Variants in EDARADD observed in about 807,000 individuals in gnomAD.
EDARADD encodes the protein EDAR associated via death domain.
EDARADD carries 20 observed loss-of-function variants against 25.6 expected under a neutral mutation model. The observed-to-expected ratio is 0.78, with a 90% confidence interval of 0.55 to 1.14. The LOEUF is 1.14. Among genes scored for constraint, EDARADD ranks in the 50% most tolerant of loss-of-function variants. The pLI, the probability that EDARADD is intolerant of heterozygous loss-of-function variation, is 0.00. For synonymous variants in EDARADD, 86 were observed against 94.4 expected (o/e 0.91, Z 0.52); for missense variants, 225 against 270.1 (o/e 0.83, Z 1.17).
intron 4 of EDARADD, among the ~76,000 whole-genome samples, chr1:236,465,911 A>G (rs555502017): frequency 2.6e-5 from 4 of 152,316 alleles, no homozygotes; most frequent in Admixed American, 2.6e-4. Flanking sequence ...ATCTTTATCA[A>G]CTTTCACAAG....
chr1:236,384,939 C>T (rs1452733508), intron 3 of EDARADD, among the ~76,000 whole-genome samples: 1 of 151,988 alleles, frequency 6.6e-6, no homozygotes, highest in East Asian at 1.9e-4. Context: ...TTTGGATACT[C>T]ACCTTTGTTA....
chr1:236,367,832 G>A (rs933691142), intron 3 of EDARADD, among the ~76,000 whole-genome samples: 1 of 152,158 alleles, frequency 6.6e-6, no homozygotes, highest in Admixed American at 6.6e-5. Flanking sequence ...CTCTTGATTG[G>A]GCATTGTGGC....
intron 1 of EDARADD, among the ~76,000 whole-genome samples, chr1:236,402,963 C>CT (rs375335663): frequency 0.019 from 2,879 of 149,208 alleles, 90 homozygotes; most frequent in African/African-American, 0.065. Flanking sequence ...CTTGTCTTTT[C>CT]TTTTTTTTTT....
At chr1:236,450,757 C>T (rs907032802) in intron 4 of EDARADD, among the ~76,000 whole-genome samples, 3 of 152,182 alleles carry the variant, frequency 2.0e-5, no homozygotes, top group Admixed American at 1.3e-4. Context: ...CCATGTTGGC[C>T]AGGTTGGTCT....
chr1:236,458,725 C>T (rs1197696009), intron 4 of EDARADD, among the ~76,000 whole-genome samples: 2 of 147,180 alleles, frequency 1.4e-5, no homozygotes, highest in Non-Finnish European at 3.0e-5. Context: ...CTCACTGCAA[C>T]CTTCACTTCC....
At chr1:236,379,605 A>G (rs1271953178) in intron 3 of EDARADD, among the ~76,000 whole-genome samples, 1 of 151,426 alleles carries the variant, frequency 6.6e-6, no homozygotes, top group Admixed American at 6.6e-5. Context: ...ACGGCGAAAC[A>G]CCATCTCTAC....
intron 1 of EDARADD, among the ~76,000 whole-genome samples, chr1:236,408,976 C>T (rs963803415): frequency 2.0e-5 from 3 of 150,050 alleles, no homozygotes; most frequent in Non-Finnish European, 4.4e-5. Context: ...AGGCTGGTCT[C>T]GAACTCCTGA....
At chr1:236,442,515 C>T (rs1658428251) in intron 4 of EDARADD, among the ~76,000 whole-genome samples, 1 of 152,186 alleles carries the variant, frequency 6.6e-6, no homozygotes, top group Non-Finnish European at 1.5e-5. Context: ...CAGGCTAACT[C>T]TCTTGTTAAG....
chr1:236,456,112 C>T (rs1658857937), intron 4 of EDARADD, among the ~76,000 whole-genome samples: 1 of 152,212 alleles, frequency 6.6e-6, no homozygotes, highest in East Asian at 1.9e-4. Flanking sequence ...TTAAGAGTCT[C>T]ACTCTGTCGC....
At chr1:236,456,133 G>A (rs367686463) in intron 4 of EDARADD, among the ~76,000 whole-genome samples, 8 of 152,300 alleles carry the variant, frequency 5.3e-5, no homozygotes, top group Non-Finnish European at 8.8e-5. Flanking sequence ...CCAGGCTGGC[G>A]TGCAGTGGCG....
chr1:236,482,719 CTGT>C lies in EDARADD; in HGVS notation c.*75_*77del. On this transcript the variant is annotated 3_prime_UTR_variant, in exon 6 of 6. Coordinates refer to ENST00000334232, the MANE Select transcript of EDARADD (RefSeq NM_145861.4). Reference sequence around the variant, plus strand: ...CCACAGGTCAAGAAGGAATGTGAATCTGTTGTTTTATAAGAGTTTAGGACAAGG... The same window carrying C: ...CCACAGGTCAAGAAGGAATGTGAATCTGTTTTATAAGAGTTTAGGACAAGG... 6.3e-7 allele frequency: 1 copy of C among 1,599,100 alleles called. No homozygotes were observed. The highest frequency in any genetic ancestry group is 8.5e-7 in the Non-Finnish European group (1 of 1,176,792).
intron 2 of EDARADD, 23 bp downstream of exon 2, chr1:236,409,297 A>T (rs1225143299): frequency 6.4e-7 from 1 of 1,573,516 alleles, no homozygotes; most frequent in Non-Finnish European, 8.7e-7. Flanking sequence ...TTTTACACTA[A>T]TGGTGATAAT....
intron 2 of EDARADD, among the ~76,000 whole-genome samples, chr1:236,412,741 T>C (rs4642878): frequency 0.042 from 6,421 of 152,320 alleles, 348 homozygotes; most frequent in African/African-American, 0.13. Context: ...GGCTTCTGTG[T>C]TCTTCCATGC....
chr1:236,459,893 C>T (rs1271332541), intron 4 of EDARADD, among the ~76,000 whole-genome samples: 3 of 152,078 alleles, frequency 2.0e-5, no homozygotes, highest in African/African-American at 4.8e-5. Context: ...GGATTACAGG[C>T]GCACCGGCCT....
chr1:236,395,608 C>A lies in EDARADD; in HGVS notation c.61+1103C>A. On this transcript the variant is annotated intron_variant, in intron 1 of 5. Coordinates refer to ENST00000334232, the MANE Select transcript of EDARADD (RefSeq NM_145861.4). The surrounding 1 kb of genome is among the most constrained non-coding windows in gnomAD (Gnocchi z 6.9). ...GGCCTGCCAGCCCCGCTCGGACGCT[C>A]GTTTGCCCCTAACCCGCCGCCATGG... 1 of 1,559,900 alleles carries A rather than the reference C, an allele frequency of 6.4e-7. No individual in the cohort carries two copies. The highest frequency in any genetic ancestry group is 8.7e-7 in the Non-Finnish European group (1 of 1,154,744).
At chr1:236,384,785 C>T (rs1667333677) in intron 3 of EDARADD, among the ~76,000 whole-genome samples, 1 of 152,164 alleles carries the variant, frequency 6.6e-6, no homozygotes, top group Non-Finnish European at 1.5e-5. Context: ...ATTCCTGGAC[C>T]TTCCAAAGCT....
chr1:236,409,897 A>T (rs1657405847), intron 2 of EDARADD, among the ~76,000 whole-genome samples: 1 of 151,978 alleles, frequency 6.6e-6, no homozygotes, highest in Non-Finnish European at 1.5e-5. Flanking sequence ...TGGTCTGGTA[A>T]TGGAGCAGCC....
intron 4 of EDARADD, among the ~76,000 whole-genome samples, chr1:236,428,488 C>T (rs1232208908): frequency 6.6e-6 from 1 of 152,164 alleles, no homozygotes; most frequent in African/African-American, 2.4e-5. Flanking sequence ...CTGTTGGGTA[C>T]ACCGCCCAGA....
intron 1 of EDARADD, among the ~76,000 whole-genome samples, chr1:236,397,750 AC>A: frequency 6.6e-6 from 1 of 152,248 alleles, no homozygotes; most frequent in Non-Finnish European, 1.5e-5. Context: ...TGAAGAACAT[AC>A]TTGACCATCT....
Sources: allele counts gnomAD v4.1 joint callset (sites outside exome capture counted in the v4.1 genomes callset), GRCh38; gene constraint gnomAD v4.1.1; non-coding constraint Gnocchi (gnomAD v3.1); transcripts MANE v1.5; gene names NCBI Gene and HGNC (gene_info 2026-07-23, HGNC 2026-07-21).